Variants in PIK3R5 observed in about 807,000 individuals in gnomAD.
The protein encoded by PIK3R5 is phosphoinositide-3-kinase regulatory subunit 5.
PIK3R5 carries 32 observed loss-of-function variants against 94.9 expected under a neutral mutation model. The ratio of observed to expected loss-of-function variants is 0.34; its 90% CI spans 0.25 to 0.45. PIK3R5 has a LOEUF of 0.45. Among genes scored for constraint, PIK3R5 ranks in the 20% least tolerant of loss-of-function variants. The probability of loss-of-function intolerance (pLI) is 1.00; values close to 1 mark genes in which losing one functional copy is unlikely to be tolerated. For missense variants in PIK3R5, 853 were observed against 1,144.6 expected (o/e 0.75, Z 3.68); for synonymous variants, 443 against 479.4 (o/e 0.92, Z 0.99).
chr17:8,881,468 C>T lies in PIK3R5; in HGVS notation c.2382+162G>A, dbSNP rs767010779. 3.9e-5 allele frequency among the ~76,000 whole-genome samples: 6 copies of T among 152,164 alleles called. No individual in the cohort carries two copies. The highest frequency in any genetic ancestry group is 6.5e-5 in the Admixed American group (1 of 15,276). On this transcript the variant is annotated intron_variant, in intron 17 of 18. Coordinates refer to ENST00000447110, the MANE Select transcript of PIK3R5 (RefSeq NM_001142633.3). The surrounding 1 kb of genome is among the most constrained non-coding windows in gnomAD (Gnocchi z 4.8). ...ACCCCTCACCCTGCCTCTCCTCCCC[C>T]ACCTCTCCTCTCTCTCTCACACACA...
chr17:8,936,775 G>A (rs1223951010), intron 1 of PIK3R5, among the ~76,000 whole-genome samples: 4 of 152,236 alleles, frequency 2.6e-5, no homozygotes, highest in East Asian at 1.9e-4. Flanking sequence ...GTTAGAATGA[G>A]TTTGTCAATA....
At chr17:8,938,665 A>C (rs978982454) in intron 1 of PIK3R5, among the ~76,000 whole-genome samples, 3 of 152,208 alleles carry the variant, frequency 2.0e-5, no homozygotes, top group African/African-American at 7.2e-5. Flanking sequence ...TGTTTCACTT[A>C]GTGCATGTTT....
chr17:8,951,639 A>G (rs1160309832), intron 1 of PIK3R5, among the ~76,000 whole-genome samples: 2 of 152,204 alleles, frequency 1.3e-5, no homozygotes, highest in East Asian at 1.9e-4. Flanking sequence ...TTGTTTATCC[A>G]TTTATCCATT....
chr17:8,922,399 T>C (rs1400678561), intron 1 of PIK3R5, among the ~76,000 whole-genome samples: 1 of 152,208 alleles, frequency 6.6e-6, no homozygotes, highest in Non-Finnish European at 1.5e-5. Context: ...ATCATAATTA[T>C]TCACATTTCC....
At chr17:8,946,034 C>A (rs1755829713) in intron 1 of PIK3R5, among the ~76,000 whole-genome samples, 1 of 152,184 alleles carries the variant, frequency 6.6e-6, no homozygotes, top group Non-Finnish European at 1.5e-5. Context: ...CCAGCTGAGA[C>A]CCCAGACATC....
intron 1 of PIK3R5, among the ~76,000 whole-genome samples, chr17:8,949,553 ATGT>A (rs139310616): frequency 0.044 from 6,740 of 152,210 alleles, 203 homozygotes; most frequent in Non-Finnish European, 0.064. Context: ...AGATTAGAAA[ATGT>A]TGTCGTCATC....
In PIK3R5 at chr17:8,945,725, C is replaced by T. The variant is rs1232914783; in HGVS notation, c.-14+19871G>A. On this transcript the variant is annotated intron_variant, in intron 1 of 18. Transcript: ENST00000447110. This position sits in a 1 kb window ranked among gnomAD's most constrained non-coding sequence, Gnocchi z 4.0. ...CCTTTACATTACAGCCTTGCCACTT[C>T]TCCATCAAGAGGTGGAATCTATTCC... 6.6e-6 allele frequency among the ~76,000 whole-genome samples: 1 copy of T among 152,264 alleles called. No homozygotes were observed. Among genetic ancestry groups the T allele is most frequent in the Non-Finnish European group, 1.5e-5 (1 of 68,042 alleles).
At chr17:8,914,011 C>T (rs923982805) in intron 1 of PIK3R5, among the ~76,000 whole-genome samples, 4 of 152,166 alleles carry the variant, frequency 2.6e-5, no homozygotes, top group African/African-American at 9.7e-5. Context: ...CATGGCAGCC[C>T]GACCACAAGA....
In PIK3R5 at chr17:8,889,039, G is replaced by A; in HGVS notation, c.895+100C>T. On this transcript the variant is annotated intron_variant, in intron 9 of 18. Coordinates refer to ENST00000447110, the MANE Select transcript of PIK3R5 (RefSeq NM_001142633.3). This position sits in a 1 kb window ranked among gnomAD's most constrained non-coding sequence, Gnocchi z 4.1. ...CTCTGCTTAGAGCCTGCTCATGTGG[G>A]AGAGCTTTGGGGACGGGGTGGGAGC... The A allele has an allele frequency of 1.3e-6, 2 of 1,515,412 alleles. No homozygotes were observed. The highest frequency in any genetic ancestry group is 1.8e-6 in the Non-Finnish European group (2 of 1,122,624). The allele number at this position is 1,515,412 out of a possible 1,614,324, so 93.9% of individuals were successfully genotyped here.
intron 1 of PIK3R5, among the ~76,000 whole-genome samples, chr17:8,947,179 G>T (rs1406151532): frequency 6.6e-6 from 1 of 152,212 alleles, no homozygotes; most frequent in Non-Finnish European, 1.5e-5. Context: ...CCAAGGTTTA[G>T]GACTGGCAGA....
chr17:8,928,896 G>A (rs2090937678), intron 1 of PIK3R5, among the ~76,000 whole-genome samples: 1 of 152,152 alleles, frequency 6.6e-6, no homozygotes, highest in Non-Finnish European at 1.5e-5. Flanking sequence ...TATCTTAGAT[G>A]GCTGAATAAA....
intron 5 of PIK3R5, among the ~76,000 whole-genome samples, chr17:8,903,435 CATAA>C (rs2090333106): frequency 6.6e-6 from 1 of 150,674 alleles, no homozygotes; most frequent in Non-Finnish European, 1.5e-5. Flanking sequence ...ATACTAAGTG[CATAA>C]ATAAATCTTT....
chr17:8,905,800 A>T, intron 3 of PIK3R5, 63 bp from the exon 4 acceptor site: 1 of 1,061,510 alleles, frequency 9.4e-7, no homozygotes, highest in Non-Finnish European at 1.4e-6. Context: ...CCTGAGGCAG[A>T]ATACAGTGGT....
rs376974440 is a variant in PIK3R5 at position 8,880,728 on chromosome 17, T to C, written c.2554A>G (p.Thr852Ala). The change falls in exon 19 of 19, where the codon ACG becomes GCG. Residue 852 changes from threonine to alanine, a missense_variant. Physicochemically the swap from Thr to Ala is moderately conservative, Grantham distance 58 (BLOSUM62 0). Around this residue, in one of 6 missense-constraint regions of PIK3R5, gnomAD observed 91 missense variants for 90.5 expected, o/e 1.01. Transcript: ENST00000447110. ...EKSDLSSPPQ[T>A]PPDLPAQAAP... is the part of the protein sequence containing the mutation. ...GCCTGGGCCGGCAGGTCAGGAGGCGTCTGGGGTGGTGAGGAGAGGTCGCTC... is the reference window on the plus strand; with the variant it reads ...GCCTGGGCCGGCAGGTCAGGAGGCGCCTGGGGTGGTGAGGAGAGGTCGCTC... 432 of 1,613,652 alleles carry C rather than the reference T, an allele frequency of 2.7e-4. 1 individual carries two copies. The highest frequency in any genetic ancestry group is 3.5e-4 in the Non-Finnish European group (410 of 1,179,866).
rs2089624880 is a variant in PIK3R5, at chr17:8,880,416, A to C, written c.*223T>G. Reference sequence around the variant, plus strand: ...TTCTCCTTCTACTGCCAGGAATCTAAGAGGCTATGGGGTCTGGCCCTTCTC... The same window carrying C: ...TTCTCCTTCTACTGCCAGGAATCTACGAGGCTATGGGGTCTGGCCCTTCTC... On this transcript the variant is annotated 3_prime_UTR_variant, in exon 19 of 19. Transcript: ENST00000447110. 2 of 440,022 alleles carry C rather than the reference A, an allele frequency of 4.5e-6. No homozygotes were observed. The highest frequency in any genetic ancestry group is 4.0e-6 in the Non-Finnish European group (1 of 250,098). The allele number at this position is 440,022 out of a possible 1,614,324, so 27.3% of individuals were successfully genotyped here.
At chr17:8,964,022 G>C (rs373490946) in intron 1 of PIK3R5, among the ~76,000 whole-genome samples, 1 of 152,104 alleles carries the variant, frequency 6.6e-6, no homozygotes, top group East Asian at 1.9e-4. Context: ...GAGGAAACAC[G>C]GAAGCCAGCG....
At chr17:8,928,843 G>A (rs2090936547) in intron 1 of PIK3R5, among the ~76,000 whole-genome samples, 2 of 152,164 alleles carry the variant, frequency 1.3e-5, no homozygotes, top group African/African-American at 4.8e-5. Context: ...AAAAATCTGG[G>A]TAAATACAAT....
At chr17:8,959,306 G>A (rs1285828584) in intron 1 of PIK3R5, among the ~76,000 whole-genome samples, 4 of 152,194 alleles carry the variant, frequency 2.6e-5, no homozygotes, top group Admixed American at 6.5e-5. Flanking sequence ...AAAGAAATCA[G>A]CACACAGAAA....
intron 1 of PIK3R5, among the ~76,000 whole-genome samples, chr17:8,937,547 A>G (rs2091097220): frequency 6.6e-6 from 1 of 152,212 alleles, no homozygotes; most frequent in Non-Finnish European, 1.5e-5. Context: ...TTGACTTTCA[A>G]ATATTGAATC....
Sources: gnomAD v4.1 joint callset for allele counts (sites outside exome capture counted in the v4.1 genomes callset) on GRCh38, gnomAD v4.1.1 for gene constraint, gnomAD v4.1.1 regional missense constraint, Gnocchi (gnomAD v3.1) non-coding constraint, MANE v1.5 for transcripts, NCBI Gene and HGNC (gene_info 2026-07-23, HGNC 2026-07-21) for gene names.